RASSF6: variants seen among roughly 807,000 people sequenced by gnomAD.
The protein encoded by RASSF6 is ras association domain-containing protein 6.
A neutral mutation model predicts 44.0 loss-of-function variants in RASSF6; 52 were observed. That is an observed-to-expected ratio of 1.18 (90% CI 0.95 to 1.49). The LOEUF (loss-of-function observed/expected upper bound fraction) is 1.49, where lower values mean the gene tolerates loss of function less well. Among genes scored for constraint, RASSF6 ranks in the 40% most tolerant of loss-of-function variants. The pLI is 0.00. For missense variants in RASSF6, 464 were observed against 393.3 expected (o/e 1.18, Z -1.52); for synonymous variants, 162 against 124.6 (o/e 1.30, Z -2.00).
Position 73,595,207 on chromosome 4 carries a change from G to A in RASSF6, c.145-1614C>T, listed in dbSNP as rs78397890. ...AAAATTAAATAACTTTTTTTTGTTT[G>A]TGTGTGTGACAGAGTCTCGCTCTGT... On this transcript the variant is annotated intron_variant, in intron 3 of 10. Coordinates refer to ENST00000307439, the MANE Select transcript of RASSF6 (RefSeq NM_177532.5). 8.8e-3 allele frequency among the ~76,000 whole-genome samples: 1,337 copies of A among 151,810 alleles called. 23 individuals are homozygous for A. The highest frequency in any genetic ancestry group is 0.031 in the African/African-American group (1,275 of 41,436).
intron 1 of RASSF6, among the ~76,000 whole-genome samples, chr4:73,619,964 G>A (rs1435458365): frequency 6.6e-6 from 1 of 152,018 alleles, no homozygotes; most frequent in African/African-American, 2.4e-5. Context: ...TGTAAGGCAC[G>A]ATTTTTGCCA....
At chr4:73,616,916 A>G (rs1277124705) in intron 1 of RASSF6, among the ~76,000 whole-genome samples, 1 of 152,228 alleles carries the variant, frequency 6.6e-6, no homozygotes, top group African/African-American at 2.4e-5. Flanking sequence ...ATGCAATTAC[A>G]TCACTTCAAG....
Position 73,574,873 on chromosome 4 carries a change from A to C in RASSF6, c.*1362T>G, listed in dbSNP as rs1461644383. ...CAGGTACATGACACTAGTTTTTTATAAGTATGTTGAATTTTAACTATTACA... is the reference window on the plus strand; with the variant it reads ...CAGGTACATGACACTAGTTTTTTATCAGTATGTTGAATTTTAACTATTACA... On this transcript the variant is annotated 3_prime_UTR_variant, in exon 11 of 11. Coordinates refer to ENST00000307439, the MANE Select transcript of RASSF6 (RefSeq NM_177532.5). 6.6e-6 allele frequency: 1 copy of C among 152,010 alleles called. No individual in the cohort carries two copies. The highest frequency in any genetic ancestry group is 1.5e-5 in the Non-Finnish European group (1 of 68,012). The allele number at this position is 152,010 out of a possible 1,614,324, so 9.4% of individuals were successfully genotyped here. A position where few individuals can be genotyped will look rare whatever the true frequency, so the allele number is the denominator to read the frequency against.
intron 6 of RASSF6, among the ~76,000 whole-genome samples, chr4:73,583,699 C>T (rs1723850270): frequency 6.6e-6 from 1 of 152,068 alleles, no homozygotes; most frequent in African/African-American, 2.4e-5. Context: ...TGTAAAATAT[C>T]TATAGTCCCA....
intron 2 of RASSF6, chr4:73,604,718 G>A (rs1305281120): frequency 1.3e-5 from 2 of 152,010 alleles, no homozygotes; most frequent in East Asian, 3.9e-4. Context: ...TCAAAAAGCT[G>A]AATTTAGAAC....
At chr4:73,601,337 T>G (rs1374166914) in intron 2 of RASSF6, among the ~76,000 whole-genome samples, 2 of 145,510 alleles carry the variant, frequency 1.4e-5, no homozygotes, top group Non-Finnish European at 3.1e-5. Flanking sequence ...TTTTCTGTTA[T>G]AACTGCAGAG....
At chr4:73,577,905 A>G (rs1007076648) in intron 8 of RASSF6, among the ~76,000 whole-genome samples, 1 of 152,206 alleles carries the variant, frequency 6.6e-6, no homozygotes, top group African/African-American at 2.4e-5. Context: ...AGTGAACTCT[A>G]TAGGTAATCT....
chr4:73,617,376 T>G (rs1726429563), intron 1 of RASSF6, among the ~76,000 whole-genome samples: 1 of 152,132 alleles, frequency 6.6e-6, no homozygotes, highest in African/African-American at 2.4e-5. Context: ...GAGAAGCAAA[T>G]TTGTATTAAG....
intron 2 of RASSF6, among the ~76,000 whole-genome samples, chr4:73,610,537 C>A (rs753855647): frequency 6.6e-6 from 1 of 152,202 alleles, no homozygotes; most frequent in Non-Finnish European, 1.5e-5. Flanking sequence ...TGCTGTCTTT[C>A]TACTTCCATT....
At chr4:73,610,675 C>T (rs528783322) in intron 2 of RASSF6, among the ~76,000 whole-genome samples, 5 of 152,308 alleles carry the variant, frequency 3.3e-5, no homozygotes, top group African/African-American at 7.2e-5. Context: ...GCAGGCTTTT[C>T]CTCCAGTGCT....
intron 2 of RASSF6, among the ~76,000 whole-genome samples, chr4:73,605,235 T>C (rs1725544582): frequency 6.6e-6 from 1 of 152,202 alleles, no homozygotes; most frequent in African/African-American, 2.4e-5. Context: ...TGATATTTTT[T>C]AGGTTCATAA....
chr4:73,591,839 C>T (rs553826123), intron 4 of RASSF6, among the ~76,000 whole-genome samples: 1 of 152,194 alleles, frequency 6.6e-6, no homozygotes, highest in South Asian at 2.1e-4. Context: ...GTGCCAGGCA[C>T]ACAGTTGGGC....
rs1054319032 is a variant in RASSF6, at chr4:73,571,717, C to T, written c.*4518G>A. On this transcript the variant is annotated 3_prime_UTR_variant, in exon 11 of 11. Transcript: ENST00000307439. ...ATCAATTTTTATTGAGCACATCCTA[C>T]GCACAAGACACAATATTAGGTACAG... is the stretch of plus-strand genomic sequence containing the variant. 1.4e-4 allele frequency: 22 copies of T among 151,728 alleles called. No individual in the cohort carries two copies. The highest frequency in any genetic ancestry group is 7.7e-4 in the East Asian group (4 of 5,200). 9.4% of individuals were successfully genotyped at this position (151,728 alleles called of 1,614,324 possible).
chr4:73,598,817 T>C, intron 2 of RASSF6, 99 bp from the exon 3 acceptor site: 1 of 542,140 alleles, frequency 1.8e-6, no homozygotes. Flanking sequence ...AAAGAAATAG[T>C]TTAATGGAAT....
chr4:73,589,419 C>T (rs1724355875), intron 4 of RASSF6, among the ~76,000 whole-genome samples: 1 of 151,688 alleles, frequency 6.6e-6, no homozygotes, highest in Admixed American at 6.6e-5. Context: ...CAATGAAAAA[C>T]AGAAACTAAA....
rs1722970943 is a variant in RASSF6, at chr4:73,572,483, T to C, written c.*3752A>G. 1 of 152,156 alleles carries C rather than the reference T, an allele frequency of 6.6e-6. No homozygotes were observed. The highest frequency in any genetic ancestry group is 1.5e-5 in the Non-Finnish European group (1 of 68,028). The allele number at this position is 152,156 out of a possible 1,614,324, so 9.4% of individuals were successfully genotyped here. On this transcript the variant is annotated 3_prime_UTR_variant, in exon 11 of 11. Coordinates refer to ENST00000307439, the MANE Select transcript of RASSF6 (RefSeq NM_177532.5). ...TTAATAATTCCATAATGTATACATA[T>C]ATAATAATATAATATTGTACCCCAT...
rs138163828 is a variant in RASSF6 at position 73,590,003 on chromosome 4, C to T, written c.288-2069G>A. Among the ~76,000 whole-genome samples, 690 of 152,174 alleles carry T rather than the reference C, an allele frequency of 4.5e-3. 4 individuals carry two copies. The highest frequency in any genetic ancestry group is 0.015 in the African/African-American group (633 of 41,504). ...TCTGTCATGACTTGTCCAAAATATG[C>T]AAAAGCTGAGTTTTGAAAGATATTA... On this transcript the variant is annotated intron_variant, in intron 4 of 10. Transcript: ENST00000307439.
chr4:73,596,624 A>C (rs1724959192), intron 3 of RASSF6, among the ~76,000 whole-genome samples: 1 of 152,222 alleles, frequency 6.6e-6, no homozygotes. Context: ...AGAAAAAACT[A>C]TTTTAAAATT....
intron 1 of RASSF6, among the ~76,000 whole-genome samples, chr4:73,617,381 AT>A (rs1726430264): frequency 6.6e-6 from 1 of 152,208 alleles, no homozygotes; most frequent in African/African-American, 2.4e-5. Context: ...GCAAATTTGT[AT>A]TAAGGCACTT....
Sources: allele counts gnomAD v4.1 joint callset (sites outside exome capture counted in the v4.1 genomes callset), GRCh38; gene constraint gnomAD v4.1.1; transcripts MANE v1.5; gene names NCBI Gene and HGNC (gene_info 2026-07-23, HGNC 2026-07-21).